RBFOX1: variants seen among roughly 807,000 people sequenced by gnomAD.
RBFOX1 encodes the protein RNA binding protein fox-1 homolog 1.
RBFOX1 carries 8 observed loss-of-function variants against 57.7 expected under a neutral mutation model. The observed-to-expected ratio is 0.14, with a 90% CI of 0.08 to 0.25. RBFOX1 has a LOEUF of 0.25. Ranked by LOEUF, RBFOX1 falls within the 10% of genes least tolerant of loss-of-function variation. The pLI is 1.00. For synonymous variants in RBFOX1, 326 were observed against 222.4 expected (o/e 1.47, Z -4.15); for missense variants, 611 against 548.5 (o/e 1.11, Z -1.14).
chr16:6,127,879 T>C (rs977885933), intron 1 of RBFOX1, among the ~76,000 whole-genome samples: 2 of 152,230 alleles, frequency 1.3e-5, no homozygotes, highest in Admixed American at 6.5e-5. Context: ...GGGAAGTTTT[T>C]GACCTGAGCA....
At chr16:6,791,168 A>T (rs904884305) in intron 3 of RBFOX1, among the ~76,000 whole-genome samples, 1 of 151,986 alleles carries the variant, frequency 6.6e-6, no homozygotes, top group African/African-American at 2.4e-5. Flanking sequence ...CAGCCTCCCA[A>T]AGTGCTGGGG....
intron 2 of RBFOX1, among the ~76,000 whole-genome samples, chr16:6,502,928 A>G (rs745783132): frequency 4.6e-5 from 7 of 152,220 alleles, no homozygotes; most frequent in Non-Finnish European, 7.3e-5. Context: ...GTAGCCACTT[A>G]AAGGATGAAG....
intron 4 of RBFOX1, among the ~76,000 whole-genome samples, chr16:7,404,880 G>A (rs1299741465): frequency 6.6e-6 from 1 of 152,134 alleles, no homozygotes; most frequent in African/African-American, 2.4e-5. Context: ...TGCCGTTCAG[G>A]ATGGCGTTCC....
chr16:7,112,366 C>T (rs1323188717), intron 4 of RBFOX1, among the ~76,000 whole-genome samples: 1 of 126,352 alleles, frequency 7.9e-6, no homozygotes, highest in South Asian at 2.9e-4. Flanking sequence ...CCACACCTGG[C>T]TAATTTTTTG....
chr16:7,036,433 G>A lies in RBFOX1; in HGVS notation c.-15-15624G>A, dbSNP rs946471809. On this transcript the variant is annotated intron_variant, in intron 3 of 15. Transcript: ENST00000550418. ...CCTCAAGAAAGAATTCAGGGCGGCC[G>A]GGCGTGGTGGCTCACGCTTGTAATC... Among the ~76,000 whole-genome samples, 19 of 151,974 alleles carry A rather than the reference G, an allele frequency of 1.3e-4. 1 individual carries two copies. Among genetic ancestry groups the A allele is most frequent in the African/African-American group, 4.4e-4 (18 of 41,340 alleles).
chr16:6,829,547 G>T lies in RBFOX1; in HGVS notation c.-16+174897G>T, dbSNP rs575849032. ...TAGTATGACAAAATAAGTACCATTA[G>T]TTAAACAAAAACAGGTATTTGCATA... On this transcript the variant is annotated intron_variant, in intron 3 of 15. Coordinates refer to ENST00000550418, the MANE Select transcript of RBFOX1 (RefSeq NM_018723.4). Among the ~76,000 whole-genome samples the T allele has an allele frequency of 2.7e-5, 4 of 150,636 alleles. No homozygotes were observed. The South Asian group carries it at 8.4e-4, about 32-fold the overall frequency.
chr16:7,536,800 A>T (rs553803551), intron 5 of RBFOX1, among the ~76,000 whole-genome samples: 1 of 152,106 alleles, frequency 6.6e-6, no homozygotes, highest in Non-Finnish European at 1.5e-5. Flanking sequence ...CCAGGGTGAG[A>T]GTATTTACAC....
intron 4 of RBFOX1, among the ~76,000 whole-genome samples, chr16:7,158,540 A>G (rs1285774237): frequency 2.0e-5 from 3 of 151,716 alleles, no homozygotes; most frequent in African/African-American, 7.3e-5. Context: ...GTGTGTGTTT[A>G]CTGTGTGTAT....
rs1050353556 is a variant in RBFOX1 at position 6,820,057 on chromosome 16, C to T, written c.-16+165407C>T. On this transcript the variant is annotated intron_variant, in intron 3 of 15. Coordinates refer to ENST00000550418, the MANE Select transcript of RBFOX1 (RefSeq NM_018723.4). The stretch of plus-strand genomic sequence containing the variant: ...CACCCAATAGGAAGTAAAATTGAAT[C>T]GTGGGGCTTGATTTTTCCTTTCCTT... 2.6e-5 allele frequency among the ~76,000 whole-genome samples: 4 copies of T among 152,208 alleles called. 1 individual carries two copies. The highest frequency in any genetic ancestry group is 6.8e-3 in the Middle Eastern group (2 of 294).
intron 3 of RBFOX1, among the ~76,000 whole-genome samples, chr16:6,687,138 C>A (rs1036943022): frequency 6.6e-6 from 1 of 152,064 alleles, no homozygotes; most frequent in South Asian, 2.1e-4. Flanking sequence ...CTTGGGGCAT[C>A]CATAGAAATA....
chr16:7,658,368 T>C (rs1283661710), intron 12 of RBFOX1, among the ~76,000 whole-genome samples: 2 of 152,162 alleles, frequency 1.3e-5, no homozygotes, highest in Non-Finnish European at 2.9e-5. Context: ...AGATTGAAAA[T>C]ACAATATTGA....
chr16:6,955,008 A>ATTGCTTGAGCCCGGGAGTT (rs1389399746), intron 3 of RBFOX1, among the ~76,000 whole-genome samples: 2 of 150,970 alleles, frequency 1.3e-5, no homozygotes, highest in African/African-American at 4.9e-5. Flanking sequence ...AGGCAGGAGG[A>ATTGCTTGAGCCCGGGAGTT]TTGCTTGAGC....
chr16:7,488,473 A>G (rs2066009582), intron 4 of RBFOX1, among the ~76,000 whole-genome samples: 1 of 152,126 alleles, frequency 6.6e-6, no homozygotes, highest in Non-Finnish European at 1.5e-5. Context: ...CACTCTGTAC[A>G]TTCATACATT....
chr16:5,894,809 C>A (rs1331621625), intron 4 of RBFOX1, among the ~76,000 whole-genome samples: 1 of 152,058 alleles, frequency 6.6e-6, no homozygotes, highest in Non-Finnish European at 1.5e-5. Flanking sequence ...ATCACGAGGT[C>A]AGGAGATCGA....
At chr16:6,653,920 G>A in intron 2 of RBFOX1, among the ~76,000 whole-genome samples, 1 of 150,942 alleles carries the variant, frequency 6.6e-6, no homozygotes, top group East Asian at 2.0e-4. Flanking sequence ...GGATGGGCGA[G>A]TGTGTAGATG....
intron 4 of RBFOX1, among the ~76,000 whole-genome samples, chr16:7,072,929 C>G (rs1420953780): frequency 1.3e-5 from 2 of 152,178 alleles, no homozygotes; most frequent in African/African-American, 2.4e-5. Flanking sequence ...ACAGAAAGGA[C>G]AGATCTGTGT....
chr16:6,326,365 A>G (rs2082370340), intron 2 of RBFOX1, among the ~76,000 whole-genome samples: 1 of 152,192 alleles, frequency 6.6e-6, no homozygotes, highest in African/African-American at 2.4e-5. Flanking sequence ...AAAATAATCC[A>G]TGTGAGATTA....
At chr16:6,891,817 A>G (rs1337080700) in intron 3 of RBFOX1, among the ~76,000 whole-genome samples, 1 of 152,184 alleles carries the variant, frequency 6.6e-6, no homozygotes, top group Non-Finnish European at 1.5e-5. Context: ...GAGCCAGCCT[A>G]ATGTAGGGTT....
intron 1 of RBFOX1, among the ~76,000 whole-genome samples, chr16:6,161,062 C>G (rs1015372378): frequency 6.6e-6 from 1 of 152,156 alleles, no homozygotes; most frequent in Non-Finnish European, 1.5e-5. Flanking sequence ...CTTGAACAGG[C>G]TTTAATAAAT....
Sources: gnomAD v4.1 joint callset for allele counts (sites outside exome capture counted in the v4.1 genomes callset) on GRCh38, gnomAD v4.1.1 for gene constraint, MANE v1.5 for transcripts, NCBI Gene and HGNC (gene_info 2026-07-23, HGNC 2026-07-21) for gene names.